The following SARNP variants were observed in gnomAD, a reference collection of about 807,000 sequenced individuals.
SARNP encodes SAP domain containing ribonucleoprotein.
SARNP carries 5 observed loss-of-function variants against 38.1 expected under a neutral mutation model. The ratio of observed to expected loss-of-function variants is 0.13; its 90% CI spans 0.07 to 0.28. SARNP has a LOEUF of 0.28. SARNP is among the 10% of genes least tolerant of loss of function. The pLI is 1.00. For synonymous variants in SARNP, 84 were observed against 80.6 expected, an observed-to-expected ratio of 1.04 and a Z score of -0.23; for missense variants, 180 against 243.9, an observed-to-expected ratio of 0.74 and a Z score of 1.75.
chr12:55,773,550 A>G (rs1879073205), intron 9 of SARNP, among the ~76,000 whole-genome samples: 1 of 152,204 alleles, frequency 6.6e-6, no homozygotes, highest in South Asian at 2.1e-4. Context: ...ATAGTTCAAT[A>G]CAGAAAGAAC....
At chr12:55,771,707 T>C (rs1212372912) in intron 9 of SARNP, among the ~76,000 whole-genome samples, 1 of 152,116 alleles carries the variant, frequency 6.6e-6, no homozygotes, top group Non-Finnish European at 1.5e-5. Flanking sequence ...CTGCCCCCCT[T>C]TGTAAATGAG....
intron 9 of SARNP, among the ~76,000 whole-genome samples, chr12:55,767,657 C>A (rs1199526477): frequency 6.6e-6 from 1 of 151,712 alleles, no homozygotes. Context: ...ACCATCCTGG[C>A]TAACACGGTG....
intron 1 of SARNP, among the ~76,000 whole-genome samples, chr12:55,810,183 G>C (rs1372337677): frequency 6.6e-6 from 1 of 152,192 alleles, no homozygotes; most frequent in Non-Finnish European, 1.5e-5. Flanking sequence ...TGCAATCGCA[G>C]CTCACTGCAG....
chr12:55,766,623 G>C lies in SARNP; in HGVS notation c.502-5983C>G, dbSNP rs1486247191. 7.6e-5 allele frequency among the ~76,000 whole-genome samples: 10 copies of C among 131,490 alleles called. 1 individual carries two copies. Among genetic ancestry groups the C allele is most frequent in the South Asian group, 5.6e-4 (2 of 3,598 alleles). 86.3% of individuals were successfully genotyped at this position (131,490 alleles called of 152,430 possible). On this transcript the variant is annotated intron_variant, in intron 9 of 10. Transcript: ENST00000336133. ...TTTTGTGGGTTTTTTTGGCGGGGGG[G>C]GGGGGGGGGTTGTTTTTTTGAGACA...
chr12:55,792,157 T>C lies in SARNP; in HGVS notation c.407-1565A>G, dbSNP rs1879689570. Among the ~76,000 whole-genome samples the C allele has an allele frequency of 4.6e-5, 7 of 152,122 alleles. No homozygotes were observed. The South Asian group carries it at 1.2e-3, about 27-fold the overall frequency. On this transcript the variant is annotated intron_variant, in intron 7 of 10. Transcript: ENST00000336133. ...GTATCTTCACCAATTATATCTCTCT[T>C]GATGCAACTAAGAGCCAGAAAAAAA...
At chr12:55,816,913 T>C (rs745837773) in intron 1 of SARNP, among the ~76,000 whole-genome samples, 8 of 151,288 alleles carry the variant, frequency 5.3e-5, no homozygotes, top group Non-Finnish European at 7.4e-5. Flanking sequence ...AGATATGAAA[T>C]GGAACAGAGA....
At chr12:55,777,290 T>C (rs1879208381) in intron 9 of SARNP, among the ~76,000 whole-genome samples, 1 of 152,066 alleles carries the variant, frequency 6.6e-6, no homozygotes, top group Admixed American at 6.5e-5. Flanking sequence ...TTACAGTAAA[T>C]ATAGGGCAAG....
chr12:55,815,488 C>T (rs1373239811), intron 1 of SARNP, among the ~76,000 whole-genome samples: 1 of 152,154 alleles, frequency 6.6e-6, no homozygotes, highest in Non-Finnish European at 1.5e-5. Context: ...GACGGAGTCT[C>T]ACTGTCCCCC....
chr12:55,817,499 A>C (rs1227086683), intron 1 of SARNP, among the ~76,000 whole-genome samples, 167 bp downstream of exon 1: 1 of 152,238 alleles, frequency 6.6e-6, no homozygotes, highest in Non-Finnish European at 1.5e-5. Context: ...AGAAATGGGA[A>C]ATTAGGGAAG....
chr12:55,814,873 T>TAA lies in SARNP; in HGVS notation c.36+2791_36+2792dup, dbSNP rs779186349. Reference sequence around the variant, plus strand: ...GACAGAGCGAGACTCCATCTCAATTTAAAAAAAAAAAAAAAAGAATGACTG... The same window carrying TAA: ...GACAGAGCGAGACTCCATCTCAATTTAAAAAAAAAAAAAAAAAAGAATGACTG... On this transcript the variant is annotated intron_variant, in intron 1 of 10. Transcript: ENST00000336133. 1.4e-3 allele frequency among the ~76,000 whole-genome samples: 193 copies of TAA among 135,308 alleles called. 7 individuals are homozygous for TAA. Among genetic ancestry groups the TAA allele is most frequent in the Admixed American group, 9.6e-3 (130 of 13,488 alleles). The allele number at this position is 135,308 out of a possible 152,430, so 88.8% of individuals were successfully genotyped here. A position where few individuals can be genotyped will look rare whatever the true frequency, so the allele number is the denominator to read the frequency against.
intron 7 of SARNP, chr12:55,793,406 T>A (rs1368158703): frequency 6.6e-6 from 1 of 151,098 alleles, no homozygotes; most frequent in Non-Finnish European, 1.5e-5. Context: ...GAGATAAGAG[T>A]ATTAACAATT....
intron 10 of SARNP, 97 bp from the exon 11 acceptor site, chr12:55,757,650 G>A (rs1565668649): frequency 2.3e-6 from 2 of 860,756 alleles, no homozygotes; most frequent in East Asian, 5.4e-5. Context: ...ACTGTCACAA[G>A]GCCCGAGAAG....
chr12:55,753,795 A>AC, downstream of SARNP: 2 of 149,288 alleles, frequency 1.3e-5, no homozygotes, highest in African/African-American at 4.9e-5. Flanking sequence ...AAAAAAAAAA[A>AC]GGAAAGCAGG....
At chr12:55,782,142 A>C (rs757236954) in intron 9 of SARNP, among the ~76,000 whole-genome samples, 1 of 152,242 alleles carries the variant, frequency 6.6e-6, no homozygotes, top group Non-Finnish European at 1.5e-5. Context: ...AGTTACCTAT[A>C]TGAAGGGCTG....
At position 55,762,605 on chromosome 12, in the gene SARNP, C is replaced by G. The variant is rs1878710842; in HGVS notation, c.502-1965G>C. On this transcript the variant is annotated intron_variant, in intron 9 of 10. Coordinates refer to ENST00000336133, the MANE Select transcript of SARNP (RefSeq NM_033082.4). ...ACTTTTAAAGAATGTCTGTGTGGTGCTTCTGAGCTGGATTTGTTTTTAAAT... is the reference window on the plus strand; with the variant it reads ...ACTTTTAAAGAATGTCTGTGTGGTGGTTCTGAGCTGGATTTGTTTTTAAAT... 4 of 152,162 alleles carry G rather than the reference C, an allele frequency of 2.6e-5. No homozygotes were observed. In the South Asian group the frequency reaches 8.3e-4, roughly 31 times the overall value. 9.4% of individuals were successfully genotyped at this position (152,162 alleles called of 1,614,324 possible). A position where few individuals can be genotyped will look rare whatever the true frequency, so the allele number is the denominator to read the frequency against.
chr12:55,802,733 T>G (rs1326328038), intron 2 of SARNP, among the ~76,000 whole-genome samples: 1 of 151,304 alleles, frequency 6.6e-6, no homozygotes, highest in Non-Finnish European at 1.5e-5. Context: ...TAATATATAC[T>G]ATATACTATT....
At chr12:55,768,637 A>T (rs1878917448) in intron 9 of SARNP, among the ~76,000 whole-genome samples, 2 of 145,790 alleles carry the variant, frequency 1.4e-5, no homozygotes, top group African/African-American at 5.1e-5. Context: ...CAAGTCAGCC[A>T]GGCTGGTCTC....
intron 9 of SARNP, among the ~76,000 whole-genome samples, chr12:55,774,641 G>A (rs1456764109): frequency 2.0e-5 from 3 of 150,022 alleles, no homozygotes; most frequent in African/African-American, 2.5e-5. Flanking sequence ...CCAGCTACTC[G>A]GGAGGTTGAG....
intron 5 of SARNP, 69 bp downstream of exon 5, chr12:55,795,944 TAGAGGATGATGC>T: frequency 1.0e-6 from 1 of 986,278 alleles, no homozygotes; most frequent in East Asian, 2.5e-5. Flanking sequence ...GAATAAATTT[TAGAGGATGATGC>T]AGATATAATA....
Sources: allele counts gnomAD v4.1 joint callset (sites outside exome capture counted in the v4.1 genomes callset), GRCh38; gene constraint gnomAD v4.1.1; transcripts MANE v1.5; gene names NCBI Gene and HGNC (gene_info 2026-07-23, HGNC 2026-07-21).